MLLT3: variants seen among roughly 807,000 people sequenced by gnomAD.
The protein encoded by MLLT3 is MLLT3 super elongation complex subunit.
A neutral mutation model predicts 53.2 loss-of-function variants in MLLT3; 4 were observed. That is an observed-to-expected ratio of 0.08 (90% CI 0.04 to 0.17). MLLT3 has a LOEUF of 0.17. Ranked by LOEUF, MLLT3 falls within the 10% of genes least tolerant of loss-of-function variation. MLLT3 has a pLI of 1.00. For missense variants in MLLT3, 569 were observed against 684.0 expected (o/e 0.83, Z 1.87); for synonymous variants, 283 against 230.6 (o/e 1.23, Z -2.06).
chr9:20,345,342 T>C lies in MLLT3; in HGVS notation c.*1101A>G, dbSNP rs1820838708. 1 of 211,438 alleles carries C rather than the reference T, an allele frequency of 4.7e-6. No individual in the cohort carries two copies. The highest frequency in any genetic ancestry group is 7.1e-5 in the East Asian group (1 of 14,046). The allele number at this position is 211,438 out of a possible 1,614,324, so 13.1% of individuals were successfully genotyped here. On this transcript the variant is annotated 3_prime_UTR_variant, in exon 11 of 11. Transcript: ENST00000380338. The stretch of plus-strand genomic sequence containing the variant: ...AATATAAAAGTGTCTAAGAGAATCA[T>C]ATGTGAACAAACAAAAATCTCTGAT...
chr9:20,605,205 T>C (rs1020451111), intron 2 of MLLT3, among the ~76,000 whole-genome samples: 2 of 152,034 alleles, frequency 1.3e-5, no homozygotes, highest in African/African-American at 4.8e-5. Context: ...TCCTCAAGGA[T>C]TACAATTTCC....
chr9:20,361,301 T>A (rs1821315751), intron 7 of MLLT3, among the ~76,000 whole-genome samples: 5 of 152,214 alleles, frequency 3.3e-5, no homozygotes, highest in Admixed American at 2.0e-4. Flanking sequence ...ACCTTTATTT[T>A]CCTTTCCTCC....
intron 4 of MLLT3, among the ~76,000 whole-genome samples, chr9:20,442,094 T>A (rs1002256537): frequency 1.3e-5 from 2 of 152,126 alleles, no homozygotes; most frequent in African/African-American, 4.8e-5. Flanking sequence ...TAAAATGTGG[T>A]CTTTGAAAGG....
At chr9:20,408,235 A>G (rs1822633856) in intron 5 of MLLT3, among the ~76,000 whole-genome samples, 1 of 151,980 alleles carries the variant, frequency 6.6e-6, no homozygotes, top group African/African-American at 2.4e-5. Context: ...TGGCCCTAGT[A>G]TGTACTGAAA....
intron 3 of MLLT3, among the ~76,000 whole-genome samples, chr9:20,455,329 T>A (rs1823938128): frequency 6.6e-6 from 1 of 152,242 alleles, no homozygotes; most frequent in South Asian, 2.1e-4. Context: ...ACTTTCTAAC[T>A]GCTGAATTGA....
At chr9:20,360,941 C>G (rs1821307227) in intron 7 of MLLT3, 100 bp from the exon 8 acceptor site, 1 of 998,510 alleles carries the variant, frequency 1.0e-6, no homozygotes, top group Non-Finnish European at 1.6e-6. Flanking sequence ...AAACACTAAC[C>G]CTTGACAAGT....
At chr9:20,564,019 T>C (rs1385318232) in intron 2 of MLLT3, among the ~76,000 whole-genome samples, 1 of 152,194 alleles carries the variant, frequency 6.6e-6, no homozygotes, top group Non-Finnish European at 1.5e-5. Context: ...AGCAGCATGC[T>C]GGAGTTTTCA....
chr9:20,365,531 T>G (rs1328577247), intron 6 of MLLT3, 138 bp downstream of exon 6: 2 of 992,918 alleles, frequency 2.0e-6, no homozygotes, highest in African/African-American at 3.3e-5. Context: ...TAGAGACGTT[T>G]ACTAAACACG....
chr9:20,454,776 T>C (rs1319183288), intron 3 of MLLT3, among the ~76,000 whole-genome samples: 1 of 152,158 alleles, frequency 6.6e-6, no homozygotes, highest in Non-Finnish European at 1.5e-5. Context: ...GTGGGGAATA[T>C]GGGAGATAGA....
At chr9:20,361,593 T>C (rs1821323428) in intron 7 of MLLT3, among the ~76,000 whole-genome samples, 2 of 152,216 alleles carry the variant, frequency 1.3e-5, no homozygotes, top group Non-Finnish European at 2.9e-5. Context: ...AATGGTATGT[T>C]TGGGATAACC....
intron 2 of MLLT3, among the ~76,000 whole-genome samples, chr9:20,470,783 G>T (rs1488759504): frequency 6.6e-6 from 1 of 151,884 alleles, no homozygotes; most frequent in East Asian, 1.9e-4. Context: ...AACACCACAG[G>T]AAGAAAATTT....
chr9:20,353,375 T>C (rs1821084522), intron 10 of MLLT3, 150 bp downstream of exon 10: 4 of 687,794 alleles, frequency 5.8e-6, no homozygotes, highest in East Asian at 5.2e-5. Flanking sequence ...GCCTCAGAAA[T>C]GAGAACCTTT....
intron 2 of MLLT3, among the ~76,000 whole-genome samples, chr9:20,491,330 T>C (rs1034227172): frequency 2.0e-5 from 3 of 151,990 alleles, no homozygotes; most frequent in African/African-American, 4.8e-5. Context: ...TTAAAAACCA[T>C]GTGAGAGAGT....
chr9:20,492,026 G>A (rs1379640291), intron 2 of MLLT3, among the ~76,000 whole-genome samples: 1 of 151,846 alleles, frequency 6.6e-6, no homozygotes, highest in African/African-American at 2.4e-5. Context: ...GTCACTCTTA[G>A]GTTCAGTAAT....
chr9:20,428,966 A>C (rs1823199822), intron 4 of MLLT3, among the ~76,000 whole-genome samples: 1 of 152,192 alleles, frequency 6.6e-6, no homozygotes, highest in African/African-American at 2.4e-5. Context: ...AATATCAGAT[A>C]AGTAGTTTGA....
intron 2 of MLLT3, among the ~76,000 whole-genome samples, chr9:20,513,244 C>G (rs1400592345): frequency 6.6e-6 from 1 of 152,176 alleles, no homozygotes; most frequent in African/African-American, 2.4e-5. Flanking sequence ...ACCCTTGTGG[C>G]CCTTGTCTGA....
In MLLT3 at chr9:20,395,507, G is replaced by C. The variant is rs1822299884; in HGVS notation, c.1125+18214C>G. On this transcript the variant is annotated intron_variant, in intron 5 of 10. Transcript: ENST00000380338. ...GTGTAGCTTTAAAAGGTACTAATGGGGTAACTTTTAAAGCTACTTTAAAAC... is the reference window on the plus strand; with the variant it reads ...GTGTAGCTTTAAAAGGTACTAATGGCGTAACTTTTAAAGCTACTTTAAAAC... Among the ~76,000 whole-genome samples, 3 of 151,964 alleles carry C rather than the reference G, an allele frequency of 2.0e-5. No individual in the cohort carries two copies. The South Asian group carries it at 6.2e-4, about 32-fold the overall frequency.
intron 2 of MLLT3, among the ~76,000 whole-genome samples, chr9:20,608,601 T>C (rs965640297): frequency 1.3e-5 from 2 of 151,926 alleles, no homozygotes; most frequent in Non-Finnish European, 2.9e-5. Context: ...TATGAAACAT[T>C]GTGCAAATAC....
chr9:20,584,843 A>G (rs762059551), intron 2 of MLLT3, among the ~76,000 whole-genome samples: 1 of 152,204 alleles, frequency 6.6e-6, no homozygotes, highest in Non-Finnish European at 1.5e-5. Context: ...GTAGTTTGAT[A>G]GCTCATTTCT....
Sources: gnomAD v4.1 joint callset for allele counts (sites outside exome capture counted in the v4.1 genomes callset) on GRCh38, gnomAD v4.1.1 for gene constraint, MANE v1.5 for transcripts, NCBI Gene and HGNC (gene_info 2026-07-23, HGNC 2026-07-21) for gene names.